Variants in DNAH8 observed in about 807,000 individuals in gnomAD.
DNAH8 encodes axonemal beta dynein heavy chain 8.
DNAH8 carries 382 observed loss-of-function variants against 562.1 expected under a neutral mutation model. The ratio of observed to expected loss-of-function variants is 0.68; its 90% CI spans 0.63 to 0.74. The LOEUF (loss-of-function observed/expected upper bound fraction) is 0.74. Ranked by LOEUF, DNAH8 falls within the 30% of genes least tolerant of loss-of-function variation. The pLI is 0.00. For missense variants in DNAH8, 5,203 were observed against 5,620.4 expected (o/e 0.93, Z 2.37); for synonymous variants, 1,881 against 1,919.4 (o/e 0.98, Z 0.52).
intron 85 of DNAH8, among the ~76,000 whole-genome samples, chr6:38,975,973 C>G (rs1270054079): frequency 6.6e-6 from 1 of 152,212 alleles, no homozygotes; most frequent in African/African-American, 2.4e-5. Flanking sequence ...AGAAGAGCAA[C>G]AGGACCATGG....
chr6:38,932,571 T>C (rs980443682), intron 76 of DNAH8, among the ~76,000 whole-genome samples: 1 of 152,234 alleles, frequency 6.6e-6, no homozygotes, highest in African/African-American at 2.4e-5. Context: ...CATTGTTTTA[T>C]GCATAAAATA....
intron 8 of DNAH8, among the ~76,000 whole-genome samples, chr6:38,743,724 TG>T (rs1764703714): frequency 6.6e-6 from 1 of 152,266 alleles, no homozygotes; most frequent in Non-Finnish European, 1.5e-5. Context: ...TTTTTATGGC[TG>T]AATCATATTC....
chr6:38,817,737 A>G (rs1021735474), intron 26 of DNAH8, among the ~76,000 whole-genome samples: 2 of 152,174 alleles, frequency 1.3e-5, no homozygotes, highest in African/African-American at 4.8e-5. Context: ...ATCATTCAGG[A>G]CCTAGAAAGA....
rs139446902 is a variant in DNAH8 at position 38,949,459 on chromosome 6, G to A, written c.12137G>A (p.Arg4046His). ...QFAEIMNQIS[R>H]NEKGWKSWFD... Reference sequence around the variant, plus strand: ...TTGGCTTGCTTCTTTTAGATATCTCGTAATGAGAAGGGGTGGAAAAGCTGG... The same window carrying A: ...TTGGCTTGCTTCTTTTAGATATCTCATAATGAGAAGGGGTGGAAAAGCTGG... The change falls in exon 81 of 93, where the codon CGT becomes CAT. Residue 4046 changes from arginine to histidine, a missense_variant. By Grantham distance (29) the Arg-to-His change is conservative. Around this residue, in one of 6 missense-constraint regions of DNAH8, gnomAD observed 1,399 missense variants for 1,518.4 expected, o/e 0.92. Coordinates refer to ENST00000327475, the MANE Select transcript of DNAH8 (RefSeq NM_001206927.2). 598 of 1,604,494 alleles carry A rather than the reference G, an allele frequency of 3.7e-4. 8 individuals are homozygous for A. In the East Asian group the frequency reaches 0.011, roughly 28 times the overall value.
chr6:39,021,093 C>T (rs1475035500), intron 91 of DNAH8, among the ~76,000 whole-genome samples: 2 of 152,224 alleles, frequency 1.3e-5, no homozygotes, highest in East Asian at 1.9e-4. Context: ...GGAATTGCCA[C>T]ACTGTCTTTC....
chr6:38,866,980 T>C (rs1583220677), intron 47 of DNAH8, 104 bp downstream of exon 47: 1 of 630,126 alleles, frequency 1.6e-6, no homozygotes, highest in South Asian at 2.2e-5. Context: ...TCTCATTGAC[T>C]CTTTTCTAAA....
intron 30 of DNAH8, among the ~76,000 whole-genome samples, chr6:38,831,966 G>A (rs985944624): frequency 6.6e-6 from 1 of 151,994 alleles, no homozygotes; most frequent in Non-Finnish European, 1.5e-5. Context: ...TCCAATGACT[G>A]CAGGCATGTG....
chr6:38,914,332 A>G (rs569112193), intron 67 of DNAH8, among the ~76,000 whole-genome samples: 2 of 151,362 alleles, frequency 1.3e-5, no homozygotes, highest in African/African-American at 4.8e-5. Context: ...TAAAAGAAAG[A>G]AAGAGGAAAA....
chr6:38,777,479 A>G (rs564616680), intron 13 of DNAH8, among the ~76,000 whole-genome samples: 27 of 152,348 alleles, frequency 1.8e-4, no homozygotes, highest in Admixed American at 1.5e-3. Context: ...GGTGTGGTAT[A>G]TATTAATAGA....
chr6:38,870,331 C>G, intron 48 of DNAH8, 70 bp from the exon 49 acceptor site: 1 of 1,404,562 alleles, frequency 7.1e-7, no homozygotes, highest in Non-Finnish European at 1.0e-6. Context: ...AAGTACTATG[C>G]ACATCCCAGC....
intron 77 of DNAH8, 22 bp from the exon 78 acceptor site, chr6:38,937,952 G>A (rs761789941): frequency 1.9e-6 from 3 of 1,612,394 alleles, no homozygotes; most frequent in South Asian, 2.2e-5. Flanking sequence ...GTGTACTACG[G>A]TTTTCCTGTT....
At chr6:38,993,556 C>G (rs1583528597) in intron 88 of DNAH8, among the ~76,000 whole-genome samples, 1 of 152,198 alleles carries the variant, frequency 6.6e-6, no homozygotes, top group East Asian at 1.9e-4. Context: ...ACCCATTTCC[C>G]TCTTCTTTTA....
At chr6:38,799,293 T>C (rs953395209) in intron 21 of DNAH8, among the ~76,000 whole-genome samples, 3 of 151,932 alleles carry the variant, frequency 2.0e-5, no homozygotes, top group African/African-American at 7.3e-5. Context: ...AAAACTGAGG[T>C]CCTCCAAATG....
intron 85 of DNAH8, among the ~76,000 whole-genome samples, chr6:38,975,375 GGTT>G (rs61560822): frequency 0.041 from 6,311 of 152,190 alleles, 425 homozygotes; most frequent in African/African-American, 0.14. Context: ...TCTTTCCTGG[GGTT>G]GGGGTGAAGG....
At chr6:38,810,574 A>AGAGT (rs1240097610) in intron 24 of DNAH8, among the ~76,000 whole-genome samples, 1 of 152,150 alleles carries the variant, frequency 6.6e-6, no homozygotes, top group Non-Finnish European at 1.5e-5. Flanking sequence ...CCTGGGCAAC[A>AGAGT]GAGTGAGACT....
At chr6:38,854,868 T>G (rs1776057779) in intron 41 of DNAH8, among the ~76,000 whole-genome samples, 1 of 149,812 alleles carries the variant, frequency 6.7e-6, no homozygotes, top group Admixed American at 6.7e-5. Context: ...ATGTATAAAA[T>G]ACTTTGTATT....
chr6:38,974,328 T>A, intron 84 of DNAH8, 46 bp from the exon 85 acceptor site: 1 of 1,416,620 alleles, frequency 7.1e-7, no homozygotes, highest in Non-Finnish European at 9.7e-7. Flanking sequence ...TTTTATTCTT[T>A]ATAGTAATTT....
intron 57 of DNAH8, among the ~76,000 whole-genome samples, chr6:38,889,356 G>A (rs1010175708): frequency 2.0e-5 from 3 of 151,968 alleles, no homozygotes; most frequent in Admixed American, 1.3e-4. Context: ...CCTAAGTGGT[G>A]AAGCTATAAA....
At chr6:39,029,880 T>A (rs1767553398) in intron 92 of DNAH8, among the ~76,000 whole-genome samples, 1 of 152,070 alleles carries the variant, frequency 6.6e-6, no homozygotes, top group Non-Finnish European at 1.5e-5. Context: ...AAATAACTAA[T>A]AACAAACACG....
Sources: gnomAD v4.1 joint callset for allele counts (sites outside exome capture counted in the v4.1 genomes callset) on GRCh38, gnomAD v4.1.1 for gene constraint, gnomAD v4.1.1 regional missense constraint, MANE v1.5 for transcripts, NCBI Gene and HGNC (gene_info 2026-07-23, HGNC 2026-07-21) for gene names.